Variants in ZNF75D observed in about 807,000 individuals in gnomAD.
ZNF75D encodes the protein zinc finger protein 75D, also known as zinc finger protein 75.
Under a neutral mutation model 33.3 loss-of-function variants are expected in ZNF75D, and 33 were observed. That is an observed-to-expected ratio of 0.99 (90% CI 0.75 to 1.32). The LOEUF (loss-of-function observed/expected upper bound fraction) is 1.32. Ranked by LOEUF, ZNF75D falls within the 40% of genes most tolerant of loss-of-function variation. The pLI is 0.00. For missense variants in ZNF75D, 338 were observed against 367.5 expected (o/e 0.92, Z 0.66); for synonymous variants, 113 against 130.6 (o/e 0.87, Z 0.92).
chrX:135,278,761 C>A (rs1449891919), intron 1 of ZNF75D, among the ~76,000 whole-genome samples: 2 of 111,997 alleles, frequency 1.8e-5, no homozygotes, highest in Non-Finnish European at 3.8e-5. Flanking sequence ...TGGTTTTTGT[C>A]ATTTGTACTG....
chrX:135,306,818 C>T (rs2084292590), intron 1 of ZNF75D, among the ~76,000 whole-genome samples: 1 of 112,294 alleles, frequency 8.9e-6, no homozygotes. Flanking sequence ...GTAAATAGGA[C>T]ATTTTATTTC....
At chrX:135,328,719 A>C (rs1339392272) in intron 1 of ZNF75D, among the ~76,000 whole-genome samples, 1 of 112,403 alleles carries the variant, frequency 8.9e-6, no homozygotes, top group Non-Finnish European at 1.9e-5. Context: ...TTCCCAATGC[A>C]AGGAGAACCT....
intron 1 of ZNF75D, among the ~76,000 whole-genome samples, chrX:135,312,400 T>C (rs782516632): frequency 8.9e-6 from 1 of 112,026 alleles, no homozygotes; most frequent in African/African-American, 3.2e-5. Context: ...CATCCACTGA[T>C]GGACACCTAG....
intron 2 of ZNF75D, among the ~76,000 whole-genome samples, chrX:135,294,982 A>C (rs1486659851): frequency 3.6e-5 from 4 of 112,142 alleles, no homozygotes; most frequent in Non-Finnish European, 7.5e-5. Context: ...TAACTGGAAA[A>C]ATTTACAGAT....
chrX:135,326,132 C>A (rs2084570591), intron 1 of ZNF75D, among the ~76,000 whole-genome samples: 2 of 109,879 alleles, frequency 1.8e-5, no homozygotes, highest in African/African-American at 3.3e-5. Context: ...TTTGTAAACA[C>A]ACCAATCAGC....
In ZNF75D at chrX:135,293,865, C is replaced by T. The variant is rs2084084777; in HGVS notation, c.276G>A (p.Leu92=). 8.3e-7 allele frequency: 1 copy of T among 1,211,472 alleles called. No individual in the cohort carries two copies. Among genetic ancestry groups the T allele is most frequent in the Non-Finnish European group, 1.1e-6 (1 of 895,167 alleles). ...IHSKEQILEM[L]VLEQFLSILP... ...GAATGCTCAGGAACTGCTCTAACAC[C>T]AGCATTTCCAAGATCTGCTCTTTTG... is the stretch of plus-strand genomic sequence containing the variant. Residue 92 remains leucine, a synonymous_variant, in exon 3 of 7, where the codon CTG becomes CTA. Transcript: ENST00000370766.
chrX:135,258,578 C>G (rs1028602582), intron 1 of ZNF75D, among the ~76,000 whole-genome samples: 1 of 111,974 alleles, frequency 8.9e-6, no homozygotes, highest in African/African-American at 3.2e-5. Context: ...TCCCTGTTGG[C>G]TGCATAGATG....
At chrX:135,327,817 C>A (rs1428572352) in intron 1 of ZNF75D, 1 of 112,275 alleles carries the variant, frequency 8.9e-6, no homozygotes, top group African/African-American at 3.2e-5. Context: ...GTGAAAGCTA[C>A]AAGAGAACTC....
At chrX:135,305,024 C>T (rs1308838025) in intron 1 of ZNF75D, among the ~76,000 whole-genome samples, 2 of 112,169 alleles carry the variant, frequency 1.8e-5, no homozygotes, top group African/African-American at 6.5e-5. Flanking sequence ...TGGGGGAAGT[C>T]CTTTAAGAAG....
At position 135,287,598 on chromosome X, in the gene ZNF75D, C is replaced by T; in HGVS notation, c.1072G>A (p.Gly358Ser). The T allele has an allele frequency of 1.7e-6, 2 of 1,211,105 alleles. No homozygotes were observed. The highest frequency in any genetic ancestry group is 4.6e-4 in the Middle Eastern group (2 of 4,353). The part of the protein sequence containing the change: ...LPKLMDLHGK[G>S]PTGEKPFKCQ... ...TTAAAAGGTTTCTCCCCTGTGGGGC[C>T]TTTCCCATGAAGATCCATAAGTTTT... Residue 358 changes from glycine to serine, a missense_variant, in exon 7 of 7, where the codon GGC becomes AGC. Gly to Ser is a moderately conservative substitution (Grantham distance 56). This residue lies in a region of ZNF75D where 254 missense variants were observed against 267.7 expected (regional missense o/e 0.95). Transcript: ENST00000370766.
downstream of ZNF75D, among the ~76,000 whole-genome samples, chrX:135,282,844 T>C (rs2083925501): frequency 8.9e-6 from 1 of 112,628 alleles, no homozygotes; most frequent in African/African-American, 3.2e-5. Flanking sequence ...CCCAATGAGA[T>C]GAGCTGGGTA....
intron 1 of ZNF75D, among the ~76,000 whole-genome samples, chrX:135,308,808 G>A (rs1556426586): frequency 8.9e-6 from 1 of 111,898 alleles, no homozygotes; most frequent in Admixed American, 9.5e-5. Context: ...TAGCACCTGA[G>A]AATGTCCAGT....
intron 1 of ZNF75D, among the ~76,000 whole-genome samples, chrX:135,308,749 T>G (rs992903987): frequency 1.8e-5 from 2 of 111,864 alleles, no homozygotes; most frequent in Non-Finnish European, 3.8e-5. Context: ...TGAGATTATG[T>G]TCCCAGGATG....
chrX:135,294,485 A>G (rs1839131331), intron 2 of ZNF75D, among the ~76,000 whole-genome samples: 1 of 111,536 alleles, frequency 9.0e-6, no homozygotes, highest in Non-Finnish European at 1.9e-5. Flanking sequence ...AAGAGAAGAC[A>G]AATGTCAATC....
chrX:135,276,470 T>C (rs2083899570), intron 1 of ZNF75D, among the ~76,000 whole-genome samples: 1 of 111,824 alleles, frequency 8.9e-6, no homozygotes, highest in Admixed American at 9.5e-5. Flanking sequence ...GACTGTTGGA[T>C]CATATGATTA....
At chrX:135,315,958 G>C (rs1163299103) in intron 1 of ZNF75D, among the ~76,000 whole-genome samples, 11 of 111,752 alleles carry the variant, frequency 9.8e-5, no homozygotes, top group African/African-American at 3.2e-4. Flanking sequence ...GTTTTGTTCT[G>C]TCATGTTATT....
At position 135,293,712 on chromosome X, in the gene ZNF75D, G is replaced by A; in HGVS notation, c.411+18C>T. ...TTTATCCTACTTCATTGTACATGTA[G>A]GCAATCTTTCTTCTTACCTCATTCT... On this transcript the variant is annotated intron_variant, in intron 3 of 6. Coordinates refer to ENST00000370766, the MANE Select transcript of ZNF75D (RefSeq NM_007131.5). 3 of 1,151,784 alleles carry A rather than the reference G, an allele frequency of 2.6e-6. No individual in the cohort carries two copies. Among genetic ancestry groups the A allele is most frequent in the Non-Finnish European group, 3.5e-6 (3 of 862,909 alleles). The allele number at this position is 1,151,784 out of a possible 1,213,427, so 94.9% of individuals were successfully genotyped here.
At chrX:135,259,586 GCTCT>G (rs1177068819) in intron 1 of ZNF75D, among the ~76,000 whole-genome samples, 1 of 111,106 alleles carries the variant, frequency 9.0e-6, no homozygotes, top group Admixed American at 9.6e-5. Flanking sequence ...TCATGATTTG[GCTCT>G]CTGTTTGTCT....
chrX:135,300,759 A>AG (rs1415909285), intron 1 of ZNF75D, among the ~76,000 whole-genome samples: 1 of 110,527 alleles, frequency 9.0e-6, no homozygotes, highest in Non-Finnish European at 1.9e-5. Flanking sequence ...AAAAAAAAAA[A>AG]AAAATCACAC....
Sources: gnomAD v4.1 joint callset for allele counts (sites outside exome capture counted in the v4.1 genomes callset) on GRCh38, gnomAD v4.1.1 for gene constraint, gnomAD v4.1.1 regional missense constraint, MANE v1.5 for transcripts, NCBI Gene and HGNC (gene_info 2026-07-23, HGNC 2026-07-21) for gene names.